MICOS10: variants seen among roughly 807,000 people sequenced by gnomAD.
MICOS10 encodes the protein mitochondrial contact site and cristae organizing system subunit 10, also known as MICOS complex subunit MIC10.
A neutral mutation model predicts 13.4 loss-of-function variants in MICOS10; 5 were observed. The observed-to-expected ratio is 0.37, with a 90% CI of 0.20 to 0.78. The LOEUF is 0.78. Ranked by LOEUF, MICOS10 falls within the 30% of genes least tolerant of loss-of-function variation. The pLI, the probability that MICOS10 is intolerant of heterozygous loss-of-function variation, is 0.47. For missense variants in MICOS10, 101 were observed against 94.6 expected (o/e 1.07, Z -0.28); for synonymous variants, 35 against 33.6 (o/e 1.04, Z -0.15).
At chr1:19,624,022 G>T (rs1440611216) in intron 3 of MICOS10, among the ~76,000 whole-genome samples, 1 of 152,178 alleles carries the variant, frequency 6.6e-6, no homozygotes, top group African/African-American at 2.4e-5. Context: ...ACGGAGTCTT[G>T]CTTTGTCGCC....
At chr1:19,602,534 T>G (rs527514141) in intron 1 of MICOS10, among the ~76,000 whole-genome samples, 1 of 152,344 alleles carries the variant, frequency 6.6e-6, no homozygotes, top group African/African-American at 2.4e-5. Flanking sequence ...GATGTTGGTT[T>G]AAGTGGTAGT....
At chr1:19,609,596 T>C (rs1737417) in intron 1 of MICOS10, among the ~76,000 whole-genome samples, 136,062 of 152,316 alleles carry the variant, frequency 0.89, 61,027 homozygotes, top group African/African-American at 0.97. Context: ...TATCCATCAG[T>C]TGGTTAATGG....
At chr1:19,610,303 A>G (rs1231504845) in intron 1 of MICOS10, among the ~76,000 whole-genome samples, 1 of 148,242 alleles carries the variant, frequency 6.7e-6, no homozygotes, top group African/African-American at 2.4e-5. Context: ...TGGAGGCTCT[A>G]GATAAATGAG....
At chr1:19,624,074 G>A (rs763778208) in intron 3 of MICOS10, among the ~76,000 whole-genome samples, 5 of 152,112 alleles carry the variant, frequency 3.3e-5, no homozygotes, top group Non-Finnish European at 5.9e-5. Flanking sequence ...CACTGCAACC[G>A]GGTTCAAGTG....
chr1:19,618,621 G>A (rs962001172), intron 1 of MICOS10, among the ~76,000 whole-genome samples: 1 of 152,200 alleles, frequency 6.6e-6, no homozygotes, highest in African/African-American at 2.4e-5. Context: ...TTGGCCTGGG[G>A]TCAGAGAGCT....
chr1:19,606,355 T>G (rs146503336), intron 1 of MICOS10, among the ~76,000 whole-genome samples: 1 of 152,318 alleles, frequency 6.6e-6, no homozygotes, highest in Non-Finnish European at 1.5e-5. Flanking sequence ...AGGTCTCTAA[T>G]TATATGCAGC....
chr1:19,602,785 A>G (rs1016333576), intron 1 of MICOS10, among the ~76,000 whole-genome samples: 1 of 152,176 alleles, frequency 6.6e-6, no homozygotes, highest in Admixed American at 6.6e-5. Context: ...ATGAGCATGA[A>G]TAAGTCACAC....
chr1:19,620,820 T>C (rs978953744), intron 1 of MICOS10, among the ~76,000 whole-genome samples: 1 of 152,188 alleles, frequency 6.6e-6, no homozygotes, highest in Non-Finnish European at 1.5e-5. Context: ...CTAGGAAAAG[T>C]TGAGCATCAG....
At position 19,597,049 on chromosome 1, in the gene MICOS10, T is replaced by C. The variant is rs759401236; in HGVS notation, c.4T>C (p.Ser2Pro). MSESELGRKWDR... is the reference protein window; with the variant it reads MPESELGRKWDR... ...GCTGGAGGCGCGGGTGGGGAACATG[T>C]CTGAGTCGGAGCTCGGCAGGAAGTG... Residue 2 changes from serine (S) to proline (P), a missense_variant, in exon 1 of 4, where the codon TCT becomes CCT. Coordinates refer to ENST00000322753, the MANE Select transcript of MICOS10 (RefSeq NM_001032363.4). The C allele has an allele frequency of 2.4e-5, 38 of 1,590,202 alleles. No homozygotes were observed. In the African/African-American group the frequency reaches 4.4e-4, roughly 19 times the overall value.
In MICOS10 at chr1:19,622,081, T is replaced by G; in HGVS notation, c.65-19T>G. The stretch of plus-strand genomic sequence containing the variant: ...GTTACTGCTATGAGATTTAGCATGT[T>G]TTTTCTCCCTCTTTGTAGGTACTGG... On this transcript the variant is annotated intron_variant, in intron 1 of 3. Transcript: ENST00000322753. 6.3e-7 allele frequency: 1 copy of G among 1,581,524 alleles called. No individual in the cohort carries two copies. The highest frequency in any genetic ancestry group is 8.6e-7 in the Non-Finnish European group (1 of 1,161,396).
chr1:19,610,012 C>T (rs1212692449), intron 1 of MICOS10, among the ~76,000 whole-genome samples: 2 of 152,004 alleles, frequency 1.3e-5, no homozygotes, highest in African/African-American at 2.4e-5. Flanking sequence ...TGTGGTGGTG[C>T]TCACCTGTAA....
chr1:19,597,336 G>A (rs1432334635), intron 1 of MICOS10, among the ~76,000 whole-genome samples: 1 of 152,200 alleles, frequency 6.6e-6, no homozygotes, highest in Non-Finnish European at 1.5e-5. Context: ...TGGAGTTGCA[G>A]CCCGGAGGAG....
At chr1:19,599,490 G>A (rs766030726) in intron 1 of MICOS10, among the ~76,000 whole-genome samples, 3 of 152,196 alleles carry the variant, frequency 2.0e-5, no homozygotes, top group Non-Finnish European at 2.9e-5. Flanking sequence ...ATGAGGCAAG[G>A]TGATGTACGA....
chr1:19,625,911 A>G (rs998205028), intron 3 of MICOS10, among the ~76,000 whole-genome samples: 3 of 152,140 alleles, frequency 2.0e-5, no homozygotes, highest in Admixed American at 2.0e-4. Context: ...CTGCCTCCTG[A>G]GTGCCCAATC....
intron 2 of MICOS10, among the ~76,000 whole-genome samples, chr1:19,622,396 T>C (rs2100327663): frequency 6.6e-6 from 1 of 152,316 alleles, no homozygotes; most frequent in African/African-American, 2.4e-5. Context: ...AAATATGATA[T>C]CATTGCAAAA....
At chr1:19,613,259 C>G (rs2100292165) in intron 1 of MICOS10, among the ~76,000 whole-genome samples, 1 of 152,320 alleles carries the variant, frequency 6.6e-6, no homozygotes, top group East Asian at 1.9e-4. Flanking sequence ...ATGGCGGCTT[C>G]TTCAGATCTG....
intron 3 of MICOS10, 24 bp downstream of exon 3, chr1:19,623,607 C>T: frequency 2.0e-6 from 3 of 1,504,298 alleles, no homozygotes; most frequent in African/African-American, 1.4e-5. Flanking sequence ...ATATATTTCT[C>T]TTTCCTTCAG....
intron 3 of MICOS10, among the ~76,000 whole-genome samples, chr1:19,624,194 G>A (rs568933459): frequency 6.2e-4 from 94 of 152,214 alleles, no homozygotes; most frequent in Admixed American, 1.1e-3. Flanking sequence ...TGGCCAGGCC[G>A]TGGTTCTGCT....
At position 19,597,007 on chromosome 1, in the gene MICOS10, G is replaced by A; in HGVS notation, c.-39G>A. The A allele has an allele frequency of 6.4e-7, 1 of 1,568,570 alleles. No individual in the cohort carries two copies. The highest frequency in any genetic ancestry group is 8.6e-7 in the Non-Finnish European group (1 of 1,160,974). The stretch of plus-strand genomic sequence containing the variant: ...AGACTTTCAGGGGTCGGAGCGCGGG[G>A]GCCGGCCGAGAGGAAAGCTGGAGGC... On this transcript the variant is annotated 5_prime_UTR_variant, in exon 1 of 4. Transcript: ENST00000322753.
Sources: allele counts gnomAD v4.1 joint callset (sites outside exome capture counted in the v4.1 genomes callset), GRCh38; gene constraint gnomAD v4.1.1; transcripts MANE v1.5; gene names NCBI Gene and HGNC (gene_info 2026-07-23, HGNC 2026-07-21).